The following CPNE1 variants were observed in gnomAD, a reference collection of about 807,000 sequenced individuals.
CPNE1 encodes the protein copine-1.
Under a neutral mutation model 63.2 loss-of-function variants are expected in CPNE1, and 58 were observed. The ratio of observed to expected loss-of-function variants is 0.92; its 90% CI spans 0.74 to 1.14. The LOEUF is 1.14. Ranked by LOEUF, CPNE1 falls within the 50% of genes most tolerant of loss-of-function variation. The pLI is 0.00. For missense variants in CPNE1, 672 were observed against 661.7 expected (o/e 1.02, Z -0.17); for synonymous variants, 237 against 249.0 (o/e 0.95, Z 0.45).
intron 1 of CPNE1, chr20:35,651,537 G>A (rs2033519840): frequency 6.6e-6 from 1 of 152,260 alleles, no homozygotes; most frequent in Middle Eastern, 3.4e-3. Context: ...TAAAAACCTA[G>A]ATATAACACT....
chr20:35,634,270 A>T (rs2032354504), intron 1 of CPNE1, among the ~76,000 whole-genome samples: 1 of 150,904 alleles, frequency 6.6e-6, no homozygotes, highest in South Asian at 2.1e-4. Context: ...CAAAAAAAAA[A>T]AAAAAAAAGT....
At chr20:35,638,652 A>C (rs1400104713) in intron 1 of CPNE1, among the ~76,000 whole-genome samples, 1 of 152,234 alleles carries the variant, frequency 6.6e-6, no homozygotes, top group Non-Finnish European at 1.5e-5. Flanking sequence ...TTTTTAGCCA[A>C]AAGAAATGGA....
chr20:35,639,342 ATTAT>A (rs1218290387), intron 1 of CPNE1, among the ~76,000 whole-genome samples: 1 of 151,876 alleles, frequency 6.6e-6, no homozygotes, highest in Admixed American at 6.6e-5. Context: ...TGGGGAAACT[ATTAT>A]TTTTTTTTTA....
intron 1 of CPNE1, among the ~76,000 whole-genome samples, chr20:35,642,320 C>T (rs2032857378): frequency 6.6e-6 from 1 of 152,176 alleles, no homozygotes; most frequent in Admixed American, 6.5e-5. Flanking sequence ...AGGTAATGAC[C>T]AGAAGTTGTA....
At chr20:35,657,601 G>A (rs888685652) in intron 1 of CPNE1, among the ~76,000 whole-genome samples, 9 of 152,126 alleles carry the variant, frequency 5.9e-5, no homozygotes, top group African/African-American at 1.9e-4. Context: ...GTTAAGAGCA[G>A]GGATTTACTG....
At chr20:35,661,313 TG>T (rs2034219332) in intron 1 of CPNE1, among the ~76,000 whole-genome samples, 2 of 152,256 alleles carry the variant, frequency 1.3e-5, no homozygotes, top group Admixed American at 1.3e-4. Flanking sequence ...CTACTATTCC[TG>T]TATTCTAAAT....
At chr20:35,659,181 A>T (rs1300851074) in intron 1 of CPNE1, among the ~76,000 whole-genome samples, 1 of 151,834 alleles carries the variant, frequency 6.6e-6, no homozygotes, top group Admixed American at 6.6e-5. Flanking sequence ...AAAATCCCAC[A>T]CATGCTTTTT....
In CPNE1 at chr20:35,654,484, A is replaced by G. The variant is rs746493208; in HGVS notation, c.-1+10276T>C. ...CATCTGGATAGGGTTAACAGGATTC[A>G]ACGGACCAAGAAACATAGGATTCAG... On this transcript the variant is annotated intron_variant, in intron 1 of 15. Coordinates refer to ENST00000397443, the MANE Select transcript of CPNE1 (RefSeq NM_152925.3). 8 of 1,614,236 alleles carry G rather than the reference A, an allele frequency of 5.0e-6. No individual in the cohort carries two copies. In the South Asian group the frequency reaches 6.6e-5, roughly 13 times the overall value.
chr20:35,634,040 T>C (rs1305294163), intron 1 of CPNE1, among the ~76,000 whole-genome samples: 2 of 147,958 alleles, frequency 1.4e-5, no homozygotes, highest in Non-Finnish European at 3.0e-5. Flanking sequence ...GGTGGGTGGA[T>C]CACGAGGTCA....
In CPNE1 at chr20:35,626,286, T is replaced by G. The variant is rs755068378; in HGVS notation, c.1569A>C (p.Pro523=). The G allele has an allele frequency of 2.5e-6, 4 of 1,613,866 alleles. No individual in the cohort carries two copies. The African/African-American group carries it at 5.3e-5, about 22-fold the overall frequency. Residue 523 remains proline (P), a synonymous_variant, in exon 16 of 16, where the codon CCA becomes CCC. Transcript: ENST00000397443. ...FRAQGWAPLK[P]LPPSAKDPAQ... ...CAGGATCCTTGGCTGAGGGTGGAAG[T>G]GGCTTGAGCGGGGCCCAACCCTGGG...
At position 35,626,195 on chromosome 20, in the gene CPNE1, C is replaced by T. The variant is rs1393483683; in HGVS notation, c.*46G>A. On this transcript the variant is annotated 3_prime_UTR_variant, in exon 16 of 16. Transcript: ENST00000397443. ...AGGGTTGGGTTGTGGCCCAGAGGGA[C>T]CTCTGGGACACAGGATTGAGGACTT... The T allele has an allele frequency of 1.2e-6, 2 of 1,608,742 alleles. No individual in the cohort carries two copies. Among genetic ancestry groups the T allele is most frequent in the African/African-American group, 1.3e-5 (1 of 74,748 alleles).
chr20:35,639,691 G>A (rs1436386697), intron 1 of CPNE1, among the ~76,000 whole-genome samples: 3 of 152,190 alleles, frequency 2.0e-5, no homozygotes, highest in Admixed American at 6.5e-5. Flanking sequence ...AGGTTGTTGT[G>A]AATGACAAAA....
intron 1 of CPNE1, chr20:35,655,399 T>G (rs2033836426): frequency 7.0e-7 from 1 of 1,423,850 alleles, no homozygotes; most frequent in African/African-American, 1.4e-5. Flanking sequence ...CACACCAAGT[T>G]TTTAGCTACA....
chr20:35,630,817 G>A lies in CPNE1; in HGVS notation c.996-22C>T. On this transcript the variant is annotated intron_variant, in intron 11 of 15. Coordinates refer to ENST00000397443, the MANE Select transcript of CPNE1 (RefSeq NM_152925.3). ...GTCTCTGTGGGAGGACAGTGTATTG[G>A]GCAAAAGGCAGTGAGGGGACTGTAA... 5 of 1,610,800 alleles carry A rather than the reference G, an allele frequency of 3.1e-6. No homozygotes were observed. In the South Asian group the frequency reaches 5.5e-5, roughly 18 times the overall value.
intron 1 of CPNE1, among the ~76,000 whole-genome samples, chr20:35,663,064 A>T (rs2034323566): frequency 6.6e-6 from 1 of 152,222 alleles, no homozygotes; most frequent in Non-Finnish European, 1.5e-5. Flanking sequence ...GTTTTGTATA[A>T]ACACGCCAAA....
At chr20:35,655,408 C>T in intron 1 of CPNE1, 2 of 1,349,360 alleles carry the variant, frequency 1.5e-6, no homozygotes, top group East Asian at 2.3e-5. Flanking sequence ...TTTTTAGCTA[C>T]AAGAATGACC....
chr20:35,634,815 C>T (rs1601429584), intron 1 of CPNE1, among the ~76,000 whole-genome samples: 1 of 152,024 alleles, frequency 6.6e-6, no homozygotes, highest in East Asian at 1.9e-4. Context: ...CTCAGCTCAC[C>T]ACAACCTCTG....
intron 13 of CPNE1, among the ~76,000 whole-genome samples, chr20:35,628,385 T>G (rs901379754): frequency 1.3e-5 from 2 of 152,026 alleles, no homozygotes; most frequent in African/African-American, 4.8e-5. Flanking sequence ...CAGAATATAC[T>G]TACTAAATAG....
rs140579719 is a variant in CPNE1, at chr20:35,653,349, G to A, written c.-1+11411C>T. ...GTCCTGCACTGGGCAGTCCCACACC[G>A]GGCAGTCCCGCATTGGGCATTCCTG... On this transcript the variant is annotated intron_variant, in intron 1 of 15. Coordinates refer to ENST00000397443, the MANE Select transcript of CPNE1 (RefSeq NM_152925.3). 3.8e-5 allele frequency: 62 copies of A among 1,614,012 alleles called. 1 individual carries two copies. The highest frequency in any genetic ancestry group is 1.4e-4 in the South Asian group (13 of 91,072).
Sources: gnomAD v4.1 joint callset for allele counts (sites outside exome capture counted in the v4.1 genomes callset) on GRCh38, gnomAD v4.1.1 for gene constraint, MANE v1.5 for transcripts, NCBI Gene and HGNC (gene_info 2026-07-23, HGNC 2026-07-21) for gene names.